The following CFTR variants were observed in gnomAD, a reference collection of about 807,000 sequenced individuals.
The protein encoded by CFTR is CF transmembrane conductance regulator.
In CFTR, 181 loss-of-function variants were observed where a neutral mutation model predicts 171.6. That is an observed-to-expected ratio of 1.05 (90% CI 0.93 to 1.19). The LOEUF is 1.19. Ranked by LOEUF, CFTR falls within the 50% of genes most tolerant of loss-of-function variation. The probability of loss-of-function intolerance (pLI) is 0.00; values close to 1 mark genes in which losing one functional copy is unlikely to be tolerated. For missense variants in CFTR, 1,968 were observed against 1,734.7 expected, an observed-to-expected ratio of 1.13 and a Z score of -2.39; for synonymous variants, 583 against 608.0, an observed-to-expected ratio of 0.96 and a Z score of 0.60.
chr7:117,536,881 A>G (rs145718636), intron 7 of CFTR, among the ~76,000 whole-genome samples: 174 of 152,258 alleles, frequency 1.1e-3, no homozygotes, highest in African/African-American at 3.7e-3. Context: ...GTGTTATTTT[A>G]TGCTGCAAGT....
chr7:117,534,826 T>C (rs1234012355), intron 5 of CFTR, among the ~76,000 whole-genome samples: 1 of 152,210 alleles, frequency 6.6e-6, no homozygotes, highest in African/African-American at 2.4e-5. Context: ...ATTGAGCAAA[T>C]ATTTATTCTA....
chr7:117,519,836 A>AT (rs1389690284), intron 3 of CFTR, among the ~76,000 whole-genome samples: 2 of 151,740 alleles, frequency 1.3e-5, no homozygotes, highest in African/African-American at 4.8e-5. Context: ...AATTGCCTCC[A>AT]TTTTTTTATT....
chr7:117,484,293 T>G (rs1234030528), intron 1 of CFTR, among the ~76,000 whole-genome samples: 9 of 152,230 alleles, frequency 5.9e-5, no homozygotes. Context: ...CCAATATGTG[T>G]TGAACAATTA....
chr7:117,491,734 C>T (rs1235703982), intron 1 of CFTR, among the ~76,000 whole-genome samples: 1 of 151,990 alleles, frequency 6.6e-6, no homozygotes, highest in Non-Finnish European at 1.5e-5. Context: ...CTTTAGTGAC[C>T]TCATTGGAAT....
chr7:117,495,670 A>C (rs553904869), intron 1 of CFTR, among the ~76,000 whole-genome samples: 9 of 152,286 alleles, frequency 5.9e-5, no homozygotes, highest in African/African-American at 2.2e-4. Context: ...GATCTCATGA[A>C]ATATGCATGA....
intron 13 of CFTR, among the ~76,000 whole-genome samples, chr7:117,591,462 T>C (rs1792022277): frequency 6.6e-6 from 1 of 152,048 alleles, no homozygotes; most frequent in South Asian, 2.1e-4. Context: ...AACAGATTAG[T>C]CTTAATGTAA....
intron 1 of CFTR, chr7:117,487,916 T>G (rs1158776109): frequency 6.6e-6 from 1 of 152,098 alleles, no homozygotes; most frequent in Admixed American, 6.6e-5. Flanking sequence ...GACAAGAAAA[T>G]GAAGCCTATG....
intron 11 of CFTR, among the ~76,000 whole-genome samples, chr7:117,575,365 A>G (rs904628003): frequency 2.6e-5 from 4 of 152,106 alleles, no homozygotes; most frequent in African/African-American, 9.7e-5. Context: ...AAGATGCTAT[A>G]TATTTTCATG....
chr7:117,481,547 C>A (rs1338812484), intron 1 of CFTR, among the ~76,000 whole-genome samples: 1 of 152,126 alleles, frequency 6.6e-6, no homozygotes, highest in Non-Finnish European at 1.5e-5. Flanking sequence ...TCACCTGACA[C>A]ATTTAATATA....
chr7:117,655,244 G>C (rs1260047118), intron 24 of CFTR, among the ~76,000 whole-genome samples: 1 of 152,106 alleles, frequency 6.6e-6, no homozygotes. Flanking sequence ...ACTATGAGCA[G>C]TCAAGAGTAA....
chr7:117,593,669 C>T lies in CFTR; in HGVS notation c.2490+1012C>T, dbSNP rs35917213. The stretch of plus-strand genomic sequence containing the variant: ...GGAGTGCAATGGTGCAACCTCGGCT[C>T]ACTGCAACCTCTGCCTCCTGGGTTC... On this transcript the variant is annotated intron_variant, in intron 14 of 26. Coordinates refer to ENST00000003084, the MANE Select transcript of CFTR (RefSeq NM_000492.4). Among the ~76,000 whole-genome samples, 1,066 of 152,260 alleles carry T rather than the reference C, an allele frequency of 7.0e-3. 9 individuals are homozygous for T. Among genetic ancestry groups the T allele is most frequent in the African/African-American group, 0.024 (990 of 41,554 alleles).
intron 3 of CFTR, among the ~76,000 whole-genome samples, chr7:117,521,183 T>G (rs536684664): frequency 3.8e-4 from 58 of 152,184 alleles, no homozygotes; most frequent in Admixed American, 3.1e-3. Context: ...AGCATAGTCA[T>G]TTTTTAAACC....
At chr7:117,555,874 A>G (rs1799344597) in intron 10 of CFTR, among the ~76,000 whole-genome samples, 1 of 152,200 alleles carries the variant, frequency 6.6e-6, no homozygotes, top group Non-Finnish European at 1.5e-5. Flanking sequence ...TTTCCACTCA[A>G]CAATAGGCTA....
At chr7:117,506,990 C>T (rs930819001) in intron 2 of CFTR, among the ~76,000 whole-genome samples, 14 of 152,184 alleles carry the variant, frequency 9.2e-5, no homozygotes, top group African/African-American at 3.4e-4. Flanking sequence ...CAAGTGGTTG[C>T]CAGATGGTTG....
chr7:117,498,249 C>T (rs939955642), intron 1 of CFTR, among the ~76,000 whole-genome samples: 2 of 152,106 alleles, frequency 1.3e-5, no homozygotes, highest in African/African-American at 4.8e-5. Flanking sequence ...AGAACTTCTC[C>T]AAGTCCCTTG....
At chr7:117,525,174 T>C (rs1798754791) in intron 3 of CFTR, among the ~76,000 whole-genome samples, 1 of 152,224 alleles carries the variant, frequency 6.6e-6, no homozygotes, top group Admixed American at 6.5e-5. Context: ...CTATGTGAGA[T>C]GAGAGAACTA....
intron 10 of CFTR, among the ~76,000 whole-genome samples, chr7:117,554,437 A>T (rs1799318307): frequency 6.6e-6 from 1 of 152,122 alleles, no homozygotes. Flanking sequence ...AGATAATGGG[A>T]GAAACAGGTT....
At chr7:117,620,168 G>A (rs1792552945) in intron 21 of CFTR, among the ~76,000 whole-genome samples, 1 of 151,546 alleles carries the variant, frequency 6.6e-6, no homozygotes, top group Non-Finnish European at 1.5e-5. Context: ...TTCCTCTCAT[G>A]ACCTCTGTCT....
At chr7:117,660,912 T>A (rs970707675) in intron 24 of CFTR, among the ~76,000 whole-genome samples, 1 of 152,098 alleles carries the variant, frequency 6.6e-6, no homozygotes, top group South Asian at 2.1e-4. Context: ...CTGTTACTCA[T>A]CTTTGAATCT....
Sources: gnomAD v4.1 joint callset for allele counts (sites outside exome capture counted in the v4.1 genomes callset) on GRCh38, gnomAD v4.1.1 for gene constraint, MANE v1.5 for transcripts, NCBI Gene and HGNC (gene_info 2026-07-23, HGNC 2026-07-21) for gene names.